RPS6KC1: variants seen among roughly 807,000 people sequenced by gnomAD.
The protein encoded by RPS6KC1 is ribosomal protein S6 kinase C1, also known as inactive ribosomal protein S6 kinase delta-1.
A neutral mutation model predicts 103.8 loss-of-function variants in RPS6KC1; 54 were observed. The observed-to-expected ratio is 0.52, with a 90% CI of 0.42 to 0.65. RPS6KC1 has a LOEUF of 0.65. Ranked by LOEUF, RPS6KC1 falls within the 30% of genes least tolerant of loss-of-function variation. The pLI is 0.00. For synonymous variants in RPS6KC1, 439 were observed against 438.7 expected, an observed-to-expected ratio of 1.00 and a Z score of -0.01; for missense variants, 1,151 against 1,253.8, an observed-to-expected ratio of 0.92 and a Z score of 1.24.
the RPS6KC1 span, among the ~76,000 whole-genome samples, chr1:213,282,890 T>C: frequency 6.6e-6 from 1 of 152,366 alleles, no homozygotes; most frequent in South Asian, 2.1e-4. Context: ...ATTTGATTTC[T>C]ATACAACCTG....
chr1:213,757,626 G>A, the RPS6KC1 span, among the ~76,000 whole-genome samples: 2 of 152,220 alleles, frequency 1.3e-5, no homozygotes, highest in Non-Finnish European at 2.9e-5. Flanking sequence ...GGAAGCTGCA[G>A]CAAGATCTTA....
chr1:213,841,178 G>T, the RPS6KC1 span: 1 of 152,084 alleles, frequency 6.6e-6, no homozygotes, highest in Non-Finnish European at 1.5e-5. Flanking sequence ...CTACTGTGAT[G>T]GTCACATGAA....
the RPS6KC1 span, among the ~76,000 whole-genome samples, chr1:213,650,788 A>G: frequency 6.6e-6 from 1 of 152,124 alleles, no homozygotes; most frequent in African/African-American, 2.4e-5. Flanking sequence ...TGCCAAACCA[A>G]TCAATAAGCT....
At chr1:213,653,805 G>A in the RPS6KC1 span, among the ~76,000 whole-genome samples, 1 of 152,126 alleles carries the variant, frequency 6.6e-6, no homozygotes, top group Admixed American at 6.5e-5. Flanking sequence ...TCCTTAGGTT[G>A]GTATTAAACT....
chr1:213,835,655 C>T, the RPS6KC1 span, among the ~76,000 whole-genome samples: 1 of 152,208 alleles, frequency 6.6e-6, no homozygotes, highest in South Asian at 2.1e-4. Context: ...GTATACCAAA[C>T]TCTCAGTTCC....
chr1:213,770,546 G>T, the RPS6KC1 span, among the ~76,000 whole-genome samples: 2 of 152,158 alleles, frequency 1.3e-5, no homozygotes, highest in Non-Finnish European at 1.5e-5. Context: ...AGAGTCACAA[G>T]GTATGTTATG....
At chr1:213,137,779 A>T (rs6702963) in intron 6 of RPS6KC1, among the ~76,000 whole-genome samples, 1 of 22,332 alleles carries the variant, frequency 4.5e-5, no homozygotes, top group South Asian at 3.1e-3. Flanking sequence ...CTCTCTCTCT[A>T]TATATATATA....
intron 6 of RPS6KC1, among the ~76,000 whole-genome samples, chr1:213,155,684 A>C (rs571421925): frequency 6.6e-6 from 1 of 152,130 alleles, no homozygotes; most frequent in South Asian, 2.1e-4. Flanking sequence ...GTATCTTTTC[A>C]GTGCCCCTTT....
chr1:213,261,277 A>C (rs1261283659), intron 12 of RPS6KC1, among the ~76,000 whole-genome samples: 1 of 152,184 alleles, frequency 6.6e-6, no homozygotes, highest in Non-Finnish European at 1.5e-5. Flanking sequence ...ATGCTGATCT[A>C]GTAGGTTCAC....
intron 6 of RPS6KC1, among the ~76,000 whole-genome samples, chr1:213,138,246 T>G (rs567911101): frequency 2.2e-4 from 34 of 152,338 alleles, no homozygotes; most frequent in African/African-American, 7.9e-4. Flanking sequence ...CAGGCTTACC[T>G]TGTTTTGTTG....
At chr1:213,507,764 A>G in the RPS6KC1 span, among the ~76,000 whole-genome samples, 1 of 152,176 alleles carries the variant, frequency 6.6e-6, no homozygotes, top group Non-Finnish European at 1.5e-5. Flanking sequence ...GAGTGTATTA[A>G]TCAAGTTTAA....
chr1:213,166,242 A>C (rs1401433723), intron 6 of RPS6KC1, among the ~76,000 whole-genome samples: 5 of 152,110 alleles, frequency 3.3e-5, no homozygotes, highest in Non-Finnish European at 5.9e-5. Flanking sequence ...AAAAATCTTA[A>C]ATGGGGATTT....
At chr1:213,342,513 G>T in the RPS6KC1 span, among the ~76,000 whole-genome samples, 2 of 152,162 alleles carry the variant, frequency 1.3e-5, no homozygotes, top group South Asian at 4.1e-4. Context: ...ATGGCTCTTG[G>T]TGCCTCAGAG....
the RPS6KC1 span, among the ~76,000 whole-genome samples, chr1:213,409,565 GAA>G: frequency 6.6e-6 from 1 of 152,198 alleles, no homozygotes; most frequent in Non-Finnish European, 1.5e-5. Flanking sequence ...GTGGTTGAAA[GAA>G]AAGGAACACC....
chr1:213,496,651 G>T, the RPS6KC1 span, among the ~76,000 whole-genome samples: 1 of 152,080 alleles, frequency 6.6e-6, no homozygotes, highest in African/African-American at 2.4e-5. Flanking sequence ...CCAGCTACTC[G>T]TGAGGCTGAG....
chr1:213,544,235 C>T, the RPS6KC1 span, among the ~76,000 whole-genome samples: 1 of 152,204 alleles, frequency 6.6e-6, no homozygotes, highest in African/African-American at 2.4e-5. Flanking sequence ...GCGAGAGAAT[C>T]CTTCTGCTGC....
chr1:213,367,379 A>G, the RPS6KC1 span, among the ~76,000 whole-genome samples: 3 of 152,246 alleles, frequency 2.0e-5, no homozygotes, highest in Admixed American at 6.5e-5. Context: ...GATTTCCAGT[A>G]AAAATCCTCC....
the RPS6KC1 span, among the ~76,000 whole-genome samples, chr1:213,656,156 A>T: frequency 6.6e-6 from 1 of 152,228 alleles, no homozygotes; most frequent in African/African-American, 2.4e-5. Context: ...ACATGGGCAC[A>T]GAGAGGCCAT....
intron 4 of RPS6KC1, among the ~76,000 whole-genome samples, chr1:213,115,055 A>G (rs1305981848): frequency 1.3e-5 from 2 of 152,172 alleles, no homozygotes; most frequent in Non-Finnish European, 2.9e-5. Context: ...TATCAGGATG[A>G]TGCTGGCATC....
Sources: gnomAD v4.1 joint callset for allele counts (sites outside exome capture counted in the v4.1 genomes callset) on GRCh38, gnomAD v4.1.1 for gene constraint, MANE v1.5 for transcripts, NCBI Gene and HGNC (gene_info 2026-07-23, HGNC 2026-07-21) for gene names.